Variants in TRIQK observed in about 807,000 individuals in gnomAD.
TRIQK encodes triple QxxK/R motif containing.
A neutral mutation model predicts 10.8 loss-of-function variants in TRIQK; 10 were observed. That is an observed-to-expected ratio of 0.92 (90% CI 0.57 to 1.57). TRIQK has a LOEUF of 1.57. Among genes scored for constraint, TRIQK ranks in the 40% most tolerant of loss-of-function variants. The pLI is 0.00. For missense variants in TRIQK, 107 were observed against 97.7 expected (o/e 1.09, Z -0.40); for synonymous variants, 33 against 33.7 (o/e 0.98, Z 0.07).
At chr8:92,911,365 A>G (rs1047573686) in intron 3 of TRIQK, among the ~76,000 whole-genome samples, 9 of 151,380 alleles carry the variant, frequency 5.9e-5, no homozygotes, top group East Asian at 3.8e-4. Flanking sequence ...GAAGAGAGGA[A>G]CAAAAGAAAT....
intron 1 of TRIQK, among the ~76,000 whole-genome samples, chr8:93,011,203 C>CATATAT (rs201058784): frequency 1.3e-4 from 12 of 92,362 alleles, no homozygotes; most frequent in African/African-American, 3.9e-4. Flanking sequence ...CACACACACA[C>CATATAT]ACATATATAT....
At chr8:93,013,680 A>C (rs1172781288) in intron 1 of TRIQK, among the ~76,000 whole-genome samples, 1 of 152,178 alleles carries the variant, frequency 6.6e-6, no homozygotes, top group African/African-American at 2.4e-5. Context: ...TGCCATTAAT[A>C]TTTGTAGGTG....
intron 4 of TRIQK, among the ~76,000 whole-genome samples, chr8:92,891,369 T>C (rs1816754055): frequency 6.6e-6 from 1 of 151,938 alleles, no homozygotes; most frequent in Non-Finnish European, 1.5e-5. Flanking sequence ...ATAGTTTAAT[T>C]CAACTCTAAA....
upstream of TRIQK, among the ~76,000 whole-genome samples, chr8:92,966,509 GAA>G: frequency 6.7e-6 from 1 of 149,630 alleles, no homozygotes; most frequent in African/African-American, 2.5e-5. Flanking sequence ...CAGCAAAAAA[GAA>G]AAAAAAATCG....
intron 2 of TRIQK, chr8:92,922,423 TC>T (rs946917308): frequency 3.9e-5 from 6 of 151,936 alleles, no homozygotes; most frequent in African/African-American, 1.4e-4. Context: ...TATTCCCTTT[TC>T]AATTTAGTTT....
At chr8:92,915,302 A>G (rs900812974) in intron 3 of TRIQK, among the ~76,000 whole-genome samples, 6 of 152,200 alleles carry the variant, frequency 3.9e-5, no homozygotes, top group Non-Finnish European at 8.8e-5. Context: ...TGAGAACTAC[A>G]GTTAATAATA....
intron 2 of TRIQK, chr8:92,922,636 A>G (rs1810245987): frequency 6.6e-6 from 1 of 151,856 alleles, no homozygotes; most frequent in African/African-American, 2.4e-5. Context: ...GGTTTATCAA[A>G]AATATATTTT....
intron 3 of TRIQK, among the ~76,000 whole-genome samples, chr8:92,895,570 A>C (rs1456412321): frequency 6.6e-6 from 1 of 152,184 alleles, no homozygotes; most frequent in Non-Finnish European, 1.5e-5. Context: ...CATAATCAGA[A>C]TGTTTGTAGA....
chr8:92,945,391 C>T (rs1364554925), intron 2 of TRIQK, among the ~76,000 whole-genome samples: 1 of 152,240 alleles, frequency 6.6e-6, no homozygotes, highest in Non-Finnish European at 1.5e-5. Flanking sequence ...GGTGTAGGAT[C>T]TAACTTCCCC....
intron 2 of TRIQK, among the ~76,000 whole-genome samples, chr8:92,929,310 G>A (rs182603944): frequency 1.4e-4 from 22 of 152,286 alleles, no homozygotes; most frequent in African/African-American, 5.3e-4. Flanking sequence ...TAGGTATGGG[G>A]TGGCTGACGA....
rs1054821695 is a variant in TRIQK, at chr8:92,885,294, T to C, written c.*1328A>G. The C allele has an allele frequency of 7.6e-6, 2 of 262,128 alleles. No individual in the cohort carries two copies. Among genetic ancestry groups the C allele is most frequent in the African/African-American group, 2.2e-5 (1 of 45,068 alleles). 16.2% of individuals were successfully genotyped at this position (262,128 alleles called of 1,614,324 possible). On this transcript the variant is annotated 3_prime_UTR_variant, in exon 5 of 5. Coordinates refer to ENST00000521988, the MANE Select transcript of TRIQK (RefSeq NM_001171797.2). Reference sequence around the variant, plus strand: ...TAGAAACAGTGCTTATAAAGCCCCATATACTCCTTAGATATTTCCCAAGGA... The same window carrying C: ...TAGAAACAGTGCTTATAAAGCCCCACATACTCCTTAGATATTTCCCAAGGA...
chr8:92,921,550 T>G (rs538770258), intron 2 of TRIQK: 8 of 151,906 alleles, frequency 5.3e-5, no homozygotes, highest in Non-Finnish European at 7.4e-5. Context: ...GAAATGGAGA[T>G]GACCTCTAGG....
rs952960557 is a variant in TRIQK, at chr8:92,886,434, T to A, written c.*188A>T. On this transcript the variant is annotated 3_prime_UTR_variant, in exon 5 of 5. Transcript: ENST00000521988. ...ATATATAAAAGTATCCAGTAGCACA[T>A]ACTATACTGCATTGCTAGGTAAGGT... 132 of 449,096 alleles carry A rather than the reference T, an allele frequency of 2.9e-4. No homozygotes were observed. The highest frequency in any genetic ancestry group is 7.7e-5 in the Admixed American group (2 of 25,842). The allele number at this position is 449,096 out of a possible 1,614,324, so 27.8% of individuals were successfully genotyped here. A position where few individuals can be genotyped will look rare whatever the true frequency, so the allele number is the denominator to read the frequency against.
intron 1 of TRIQK, among the ~76,000 whole-genome samples, chr8:92,962,723 C>T (rs936952841): frequency 5.3e-5 from 8 of 152,102 alleles, no homozygotes; most frequent in African/African-American, 9.7e-5. Flanking sequence ...ATTACTCCAC[C>T]GGTAGAGCTA....
chr8:93,007,036 G>A (rs377653976), intron 1 of TRIQK, among the ~76,000 whole-genome samples: 2 of 152,164 alleles, frequency 1.3e-5, no homozygotes, highest in Non-Finnish European at 2.9e-5. Context: ...GCCTGATCCC[G>A]TACCTCCTGA....
At chr8:92,886,942 G>T in intron 4 of TRIQK, 1 of 367,222 alleles carries the variant, frequency 2.7e-6, no homozygotes, top group Non-Finnish European at 4.9e-6. Flanking sequence ...ATACACCAGT[G>T]GGTGAGTCAT....
chr8:92,987,904 A>G (rs1000025671), intron 1 of TRIQK, among the ~76,000 whole-genome samples: 5 of 152,020 alleles, frequency 3.3e-5, no homozygotes, highest in African/African-American at 1.2e-4. Flanking sequence ...ATATAGATAC[A>G]AAAGACACAG....
intron 2 of TRIQK, among the ~76,000 whole-genome samples, chr8:92,932,512 CT>C (rs1810783819): frequency 6.6e-6 from 1 of 152,038 alleles, no homozygotes; most frequent in Admixed American, 6.6e-5. Context: ...AGAATTTAGT[CT>C]TTTCCCCTTT....
chr8:93,016,549 T>C (rs1446638797), intron 1 of TRIQK, among the ~76,000 whole-genome samples: 2 of 152,248 alleles, frequency 1.3e-5, no homozygotes, highest in Non-Finnish European at 2.9e-5. Flanking sequence ...CCACAAATAT[T>C]TCACTTTTGT....
Sources: allele counts gnomAD v4.1 joint callset (sites outside exome capture counted in the v4.1 genomes callset), GRCh38; gene constraint gnomAD v4.1.1; transcripts MANE v1.5; gene names NCBI Gene and HGNC (gene_info 2026-07-23, HGNC 2026-07-21).